TANC2: variants seen among roughly 807,000 people sequenced by gnomAD.
TANC2 encodes the protein protein TANC2.
A neutral mutation model predicts 210.5 loss-of-function variants in TANC2; 26 were observed. The observed-to-expected ratio is 0.12, with a 90% CI of 0.09 to 0.17. The LOEUF (loss-of-function observed/expected upper bound fraction) is 0.17. Among genes scored for constraint, TANC2 ranks in the 10% least tolerant of loss-of-function variants. The pLI is 1.00. For missense variants in TANC2, 2,129 were observed against 2,608.9 expected (o/e 0.82, Z 4.01); for synonymous variants, 931 against 967.1 (o/e 0.96, Z 0.69).
chr17:63,144,396 C>T (rs2039395547), intron 4 of TANC2, among the ~76,000 whole-genome samples: 1 of 152,110 alleles, frequency 6.6e-6, no homozygotes, highest in Non-Finnish European at 1.5e-5. Flanking sequence ...ACACTGCATA[C>T]ATGTTATATT....
At chr17:63,183,554 G>A (rs1020805591) in intron 5 of TANC2, among the ~76,000 whole-genome samples, 12 of 152,078 alleles carry the variant, frequency 7.9e-5, no homozygotes, top group African/African-American at 1.4e-4. Context: ...TACCTGCTGC[G>A]TATAATGCAC....
chr17:63,276,768 G>T (rs575765397), intron 9 of TANC2, among the ~76,000 whole-genome samples: 1 of 152,170 alleles, frequency 6.6e-6, no homozygotes, highest in Admixed American at 6.6e-5. Context: ...TCTTCAAAAG[G>T]TGTAAAAGTG....
At chr17:63,063,676 G>T (rs951299600) in intron 2 of TANC2, among the ~76,000 whole-genome samples, 16 of 147,142 alleles carry the variant, frequency 1.1e-4, no homozygotes, top group African/African-American at 2.7e-4. Context: ...ACCCAGTATT[G>T]TGTGTGTGTG....
At chr17:63,023,585 C>A (rs925516736) in intron 2 of TANC2, among the ~76,000 whole-genome samples, 1 of 152,126 alleles carries the variant, frequency 6.6e-6, no homozygotes, top group Non-Finnish European at 1.5e-5. Flanking sequence ...GCTGATTACT[C>A]CTTAATTTTT....
At chr17:63,281,607 G>A (rs2044060771) in intron 9 of TANC2, among the ~76,000 whole-genome samples, 1 of 152,168 alleles carries the variant, frequency 6.6e-6, no homozygotes, top group East Asian at 1.9e-4. Flanking sequence ...ACAGAATCCA[G>A]AGGTTCTAAA....
chr17:62,973,437 T>C (rs1011422281), intron 1 of TANC2, among the ~76,000 whole-genome samples: 4 of 152,218 alleles, frequency 2.6e-5, no homozygotes, highest in African/African-American at 9.6e-5. Context: ...AGTTAGTACA[T>C]AGTAGGTGCT....
intron 2 of TANC2, among the ~76,000 whole-genome samples, chr17:63,051,467 T>C (rs1374798462): frequency 6.6e-6 from 1 of 152,182 alleles, no homozygotes; most frequent in African/African-American, 2.4e-5. Context: ...ATTTGTTTAT[T>C]TATCTCTGGT....
chr17:63,310,319 C>T (rs973111142), intron 9 of TANC2, among the ~76,000 whole-genome samples: 4 of 152,036 alleles, frequency 2.6e-5, no homozygotes, highest in Admixed American at 6.6e-5. Context: ...TCGTTGCACA[C>T]GCCTGTAGTC....
intron 7 of TANC2, among the ~76,000 whole-genome samples, chr17:63,223,700 A>G (rs1303189252): frequency 6.6e-6 from 1 of 152,144 alleles, no homozygotes; most frequent in Admixed American, 6.5e-5. Context: ...GTGCGTTGCC[A>G]TGGCATTTGT....
Position 63,098,458 on chromosome 17 carries a change from ACACACACACACACACACACACATACACT to A in TANC2, c.140-715_140-688del, listed in dbSNP as rs1242596135. 2.7e-3 allele frequency among the ~76,000 whole-genome samples: 136 copies of A among 49,742 alleles called. 6 individuals are homozygous for A. Among genetic ancestry groups the A allele is most frequent in the African/African-American group, 8.5e-3 (78 of 9,218 alleles). 32.6% of individuals were successfully genotyped at this position (49,742 alleles called of 152,430 possible). A position where few individuals can be genotyped will look rare whatever the true frequency, so the allele number is the denominator to read the frequency against. ...CACACACACACACACACACACACAC[ACACACACACACACACACACACATACACT>A]CTCTCTCTCTCTCTCTCTCTCTCTG... On this transcript the variant is annotated intron_variant, in intron 3 of 27. Coordinates refer to ENST00000689528, the Ensembl canonical transcript of TANC2.
chr17:62,971,746 C>T (rs2031706568), intron 1 of TANC2, among the ~76,000 whole-genome samples: 1 of 152,226 alleles, frequency 6.6e-6, no homozygotes, highest in African/African-American at 2.4e-5. Context: ...TGTGTGAGCA[C>T]CTCCTCCTGT....
intron 9 of TANC2, among the ~76,000 whole-genome samples, chr17:63,285,910 G>A (rs1483532080): frequency 6.6e-6 from 1 of 151,946 alleles, no homozygotes; most frequent in African/African-American, 2.4e-5. Flanking sequence ...ACCAGTTCTG[G>A]GAATGGTAAG....
intron 9 of TANC2, among the ~76,000 whole-genome samples, chr17:63,280,330 C>A (rs2044022184): frequency 1.3e-5 from 2 of 151,922 alleles, no homozygotes; most frequent in South Asian, 4.1e-4. Flanking sequence ...AAACTAAACC[C>A]CAGATATGTT....
intron 2 of TANC2, among the ~76,000 whole-genome samples, chr17:63,061,142 G>A (rs1250793432): frequency 1.3e-5 from 2 of 152,002 alleles, no homozygotes; most frequent in East Asian, 1.9e-4. Flanking sequence ...CGAGGTGGGC[G>A]GATCACCTGA....
At position 63,213,285 on chromosome 17, in the gene TANC2, A is replaced by G. The variant is rs142135664; in HGVS notation, c.769+12328A>G. Among the ~76,000 whole-genome samples, 10 of 152,322 alleles carry G rather than the reference A, an allele frequency of 6.6e-5. No individual in the cohort carries two copies. The East Asian group carries it at 1.9e-3, about 29-fold the overall frequency. On this transcript the variant is annotated intron_variant, in intron 7 of 27. Coordinates refer to ENST00000689528, the Ensembl canonical transcript of TANC2. ...CAACTGTGACATGGTACCTAAAGACAGAAGCATCTGCTAGGACACACAAAG... is the reference window on the plus strand; with the variant it reads ...CAACTGTGACATGGTACCTAAAGACGGAAGCATCTGCTAGGACACACAAAG...
At chr17:63,190,878 T>C (rs2041162544) in intron 5 of TANC2, among the ~76,000 whole-genome samples, 1 of 152,154 alleles carries the variant, frequency 6.6e-6, no homozygotes, top group Non-Finnish European at 1.5e-5. Context: ...TTCTTAAAAA[T>C]TAAGAACCCA....
At chr17:63,389,118 A>G (rs1327407205) in intron 16 of TANC2, among the ~76,000 whole-genome samples, 190 bp from the exon 17 acceptor site, 3 of 152,220 alleles carry the variant, frequency 2.0e-5, no homozygotes, top group African/African-American at 4.8e-5. Context: ...TTACTATGCC[A>G]TTTATGTAAA....
At chr17:63,337,686 C>T (rs1390351167) in intron 11 of TANC2, among the ~76,000 whole-genome samples, 1 of 151,386 alleles carries the variant, frequency 6.6e-6, no homozygotes, top group Non-Finnish European at 1.5e-5. Context: ...ACTCATGTCA[C>T]AGGAATTTGT....
At chr17:63,389,528 G>A (rs925382164) in exon 17 of TANC2, 1 of 1,608,206 alleles carries the variant, frequency 6.2e-7, no homozygotes, top group Non-Finnish European at 8.5e-7. Flanking sequence ...GTGCTGCTGT[G>A]CAAGAAACGG....
Sources: gnomAD v4.1 joint callset for allele counts (sites outside exome capture counted in the v4.1 genomes callset) on GRCh38, gnomAD v4.1.1 for gene constraint, MANE v1.5 for transcripts, NCBI Gene and HGNC (gene_info 2026-07-23, HGNC 2026-07-21) for gene names.